The following RYR2 variants were observed in gnomAD, a reference collection of about 807,000 sequenced individuals.
The protein encoded by RYR2 is cardiac muscle ryanodine receptor-calcium release channel.
RYR2 carries 227 observed loss-of-function variants against 601.1 expected under a neutral mutation model. That is an observed-to-expected ratio of 0.38 (90% CI 0.34 to 0.42). RYR2 has a LOEUF of 0.42. RYR2 is among the 10% of genes least tolerant of loss of function. The probability of loss-of-function intolerance (pLI) is 1.00; values close to 1 mark genes in which losing one functional copy is unlikely to be tolerated. For missense variants in RYR2, 4,646 were observed against 6,156.5 expected (o/e 0.75, Z 8.21); for synonymous variants, 2,223 against 2,175.1 (o/e 1.02, Z -0.61).
intron 23 of RYR2, among the ~76,000 whole-genome samples, chr1:237,508,665 A>G (rs1418511236): frequency 6.6e-6 from 1 of 150,524 alleles, no homozygotes; most frequent in Admixed American, 6.6e-5. Flanking sequence ...TGATTCTTCC[A>G]GTTACATTTA....
In RYR2 at chr1:237,057,311, G is replaced by A. The variant is rs185145215; in HGVS notation, c.48+14742G>A. 5.3e-3 allele frequency among the ~76,000 whole-genome samples: 810 copies of A among 152,082 alleles called. 11 individuals carry two copies. Among genetic ancestry groups the A allele is most frequent in the African/African-American group, 0.018 (747 of 41,488 alleles). On this transcript the variant is annotated intron_variant, in intron 1 of 104. Coordinates refer to ENST00000366574, the MANE Select transcript of RYR2 (RefSeq NM_001035.3). ...AGCGATTCTTCTGCCTCAGCCTCCC[G>A]AGTAGCTGGGACTACAGGTGTGTGT...
chr1:237,633,764 T>C (rs1045167591), intron 43 of RYR2, 54 bp downstream of exon 43: 2 of 1,506,790 alleles, frequency 1.3e-6, no homozygotes, highest in Non-Finnish European at 1.8e-6. Context: ...TAATATTACA[T>C]TTAAAAAGCA....
chr1:237,363,382 G>T (rs1475537304), intron 4 of RYR2, among the ~76,000 whole-genome samples: 1 of 151,946 alleles, frequency 6.6e-6, no homozygotes, highest in Non-Finnish European at 1.5e-5. Flanking sequence ...TATTGAAAAT[G>T]AAAAAATTAG....
At chr1:237,213,915 C>CTTTTTTTTTTTTTTTTTTTTT (rs71180008) in intron 1 of RYR2, among the ~76,000 whole-genome samples, 3 of 65,496 alleles carry the variant, frequency 4.6e-5, no homozygotes, top group Non-Finnish European at 5.8e-5. Context: ...TTTTCTTTTT[C>CTTTTTTTTTTTTTTTTTTTTT]TTTTTTTTTT....
chr1:237,186,023 T>G (rs1051340828), intron 1 of RYR2, among the ~76,000 whole-genome samples: 17 of 152,160 alleles, frequency 1.1e-4, no homozygotes, highest in African/African-American at 4.1e-4. Flanking sequence ...TTTCTTCAGT[T>G]TCAGGAGTCT....
chr1:237,278,292 T>C (rs1288110110), intron 2 of RYR2, among the ~76,000 whole-genome samples: 3 of 138,996 alleles, frequency 2.2e-5, no homozygotes, highest in South Asian at 5.0e-4. Context: ...GGTTTCACTG[T>C]GTTGCCCAGG....
intron 17 of RYR2, among the ~76,000 whole-genome samples, chr1:237,481,826 AAAAAAAAAAC>A (rs1472461446): frequency 6.7e-6 from 1 of 149,838 alleles, no homozygotes; most frequent in African/African-American, 2.5e-5. Context: ...AAAAAAAAAA[AAAAAAAAAAC>A]CACCTCCCAA....
chr1:237,259,780 G>T (rs931932573), intron 1 of RYR2, among the ~76,000 whole-genome samples: 3 of 152,150 alleles, frequency 2.0e-5, no homozygotes, highest in Non-Finnish European at 4.4e-5. Context: ...AAGGCACCTT[G>T]GAGGATGCCC....
chr1:237,792,349 C>CTGTGTGTG (rs34337859), intron 94 of RYR2, 26 bp downstream of exon 94: 35 of 705,936 alleles, frequency 5.0e-5, no homozygotes, highest in Non-Finnish European at 5.8e-5. Flanking sequence ...ACCAAGGTAC[C>CTGTGTGTG]TGTGTGTGTG....
intron 29 of RYR2, among the ~76,000 whole-genome samples, chr1:237,585,373 A>G (rs1479375647): frequency 6.6e-6 from 1 of 152,182 alleles, no homozygotes; most frequent in Admixed American, 6.5e-5. Flanking sequence ...ACCAAGATGA[A>G]ACATCAGGAA....
chr1:237,276,108 A>G (rs1375187476), intron 2 of RYR2, among the ~76,000 whole-genome samples: 1 of 151,292 alleles, frequency 6.6e-6, no homozygotes, highest in Non-Finnish European at 1.5e-5. Flanking sequence ...ATTTTATTTT[A>G]TTTTTTTTTG....
At chr1:237,308,774 T>G (rs1047355653) in intron 2 of RYR2, among the ~76,000 whole-genome samples, 1 of 152,204 alleles carries the variant, frequency 6.6e-6, no homozygotes, top group Non-Finnish European at 1.5e-5. Flanking sequence ...TTCTACACCG[T>G]GGAAAGGGAC....
intron 101 of RYR2, among the ~76,000 whole-genome samples, chr1:237,822,718 A>C (rs1288160585): frequency 6.6e-6 from 1 of 152,246 alleles, no homozygotes; most frequent in African/African-American, 2.4e-5. Context: ...TGCCCAAATT[A>C]AAAGACACAG....
chr1:237,687,366 C>CTTTTTTTTTTTTTTTT (rs10679267), intron 62 of RYR2, 89 bp from the exon 63 acceptor site: 18 of 259,148 alleles, frequency 6.9e-5, no homozygotes, highest in Non-Finnish European at 9.8e-5. Context: ...TTTTCTTCTT[C>CTTTTTTTTTTTTTTTT]TTTTTTTTTT....
chr1:237,117,753 T>C (rs983639790), intron 1 of RYR2, among the ~76,000 whole-genome samples: 1 of 142,556 alleles, frequency 7.0e-6, no homozygotes, highest in Non-Finnish European at 1.5e-5. Flanking sequence ...TTCTCTTCTC[T>C]TCTCTGTTCT....
intron 2 of RYR2, among the ~76,000 whole-genome samples, chr1:237,305,598 A>G (rs1037407949): frequency 6.6e-6 from 1 of 152,090 alleles, no homozygotes; most frequent in Admixed American, 6.6e-5. Context: ...AGCTGGGCTA[A>G]TTTTTGTATT....
intron 79 of RYR2, among the ~76,000 whole-genome samples, chr1:237,741,013 A>C (rs1167285540): frequency 6.6e-6 from 1 of 152,222 alleles, no homozygotes; most frequent in East Asian, 1.9e-4. Flanking sequence ...AACTCAAAGG[A>C]GAACATTTCC....
chr1:237,648,298 C>T, intron 48 of RYR2, 146 bp from the exon 49 acceptor site: 1 of 692,810 alleles, frequency 1.4e-6, no homozygotes, highest in Non-Finnish European at 2.2e-6. Context: ...AGCAAACTCC[C>T]ATAATAGCTT....
chr1:237,698,105 A>AGTGTGTGTGTGTGT (rs3999833), intron 63 of RYR2, among the ~76,000 whole-genome samples: 4 of 140,054 alleles, frequency 2.9e-5, no homozygotes, highest in African/African-American at 1.1e-4. Context: ...AGGAGATGAT[A>AGTGTGTGTGTGTGT]GTGTGTGTGT....
Sources: gnomAD v4.1 joint callset for allele counts (sites outside exome capture counted in the v4.1 genomes callset) on GRCh38, gnomAD v4.1.1 for gene constraint, MANE v1.5 for transcripts, NCBI Gene and HGNC (gene_info 2026-07-23, HGNC 2026-07-21) for gene names.